Variants in BCAS3 observed in about 807,000 individuals in gnomAD.
BCAS3 encodes the protein BCAS4/BCAS3 fusion.
In BCAS3, 53 loss-of-function variants were observed where a neutral mutation model predicts 116.1. The observed-to-expected ratio is 0.46, with a 90% CI of 0.37 to 0.57. The LOEUF (loss-of-function observed/expected upper bound fraction) is 0.57. Among genes scored for constraint, BCAS3 ranks in the 20% least tolerant of loss-of-function variants. The probability of loss-of-function intolerance (pLI) is 0.00; values close to 1 mark genes in which losing one functional copy is unlikely to be tolerated. For missense variants in BCAS3, 917 were observed against 1,165.4 expected (o/e 0.79, Z 3.10); for synonymous variants, 391 against 408.2 (o/e 0.96, Z 0.51).
intron 22 of BCAS3, among the ~76,000 whole-genome samples, chr17:61,101,570 C>T (rs2074330825): frequency 6.6e-6 from 1 of 152,054 alleles, no homozygotes; most frequent in African/African-American, 2.4e-5. Context: ...GACCTGACAC[C>T]TTGATCTTCA....
chr17:61,108,974 T>C (rs1601300742), intron 22 of BCAS3, among the ~76,000 whole-genome samples: 1 of 151,726 alleles, frequency 6.6e-6, no homozygotes, highest in East Asian at 1.9e-4. Flanking sequence ...GATCACGAGG[T>C]CAAGAGATCA....
intron 4 of BCAS3, among the ~76,000 whole-genome samples, chr17:60,703,727 A>T (rs1048675988): frequency 6.6e-6 from 1 of 150,852 alleles, no homozygotes; most frequent in Non-Finnish European, 1.5e-5. Flanking sequence ...ATCCTGGCTA[A>T]CATGGTGAAA....
At position 61,035,324 on chromosome 17, in the gene BCAS3, G is replaced by A. The variant is rs562277184; in HGVS notation, c.1762+534G>A. 5.3e-5 allele frequency among the ~76,000 whole-genome samples: 8 copies of A among 152,192 alleles called. No individual in the cohort carries two copies. In the East Asian group the frequency reaches 7.7e-4, roughly 15 times the overall value. On this transcript the variant is annotated intron_variant, in intron 17 of 23. Coordinates refer to ENST00000407086, the MANE Select transcript of BCAS3 (RefSeq NM_017679.5). ...ATTAAGGCCAGTCGCAGTGGCTCAC[G>A]CCTGTAATCCCAGCACTTTAGGAGG...
intron 6 of BCAS3, among the ~76,000 whole-genome samples, chr17:60,763,814 G>T (rs1325277952): frequency 9.2e-5 from 14 of 152,188 alleles, no homozygotes; most frequent in African/African-American, 1.9e-4. Flanking sequence ...TGGCTGTGAA[G>T]CCATCTGGTC....
chr17:60,822,659 T>A (rs547312470), intron 7 of BCAS3, among the ~76,000 whole-genome samples: 1 of 152,332 alleles, frequency 6.6e-6, no homozygotes, highest in South Asian at 2.1e-4. Context: ...GAATATTGTA[T>A]CAAACTACTT....
intron 22 of BCAS3, among the ~76,000 whole-genome samples, chr17:61,350,977 T>C (rs2143334689): frequency 6.6e-6 from 1 of 152,260 alleles, no homozygotes; most frequent in East Asian, 1.9e-4. Flanking sequence ...TGCCACAACT[T>C]GGAGTTATTT....
rs1482128794 is a variant in BCAS3 at position 60,993,760 on chromosome 17, TTGTC to T, written c.1486+3529_1486+3532del. On this transcript the variant is annotated intron_variant, in intron 15 of 23. Coordinates refer to ENST00000407086, the MANE Select transcript of BCAS3 (RefSeq NM_017679.5). The surrounding 1 kb of genome is among the most constrained non-coding windows in gnomAD (Gnocchi z 4.2). ...CATGTTTTGGCGGTATTACCGTTGTTTGTCTGTGCTCTTTTTAGCCAAGTAAAGG... is the reference window on the plus strand; with the variant it reads ...CATGTTTTGGCGGTATTACCGTTGTTTGTGCTCTTTTTAGCCAAGTAAAGG... 8.5e-5 allele frequency among the ~76,000 whole-genome samples: 13 copies of T among 152,174 alleles called. No homozygotes were observed. Among genetic ancestry groups the T allele is most frequent in the African/African-American group, 2.9e-4 (12 of 41,456 alleles).
chr17:60,716,156 C>T (rs1416220620), intron 5 of BCAS3, among the ~76,000 whole-genome samples: 1 of 152,220 alleles, frequency 6.6e-6, no homozygotes, highest in Admixed American at 6.5e-5. Flanking sequence ...CCACCGCGCA[C>T]AGCCACGAAC....
rs2048807850 is a variant in BCAS3, at chr17:61,256,710, A to C, written c.2426-111617A>C. ...GAATTGTGTCACCAGAGAGCCTTGG[A>C]TACAGAGATAAACTGGAGACAGAGT... On this transcript the variant is annotated intron_variant, in intron 22 of 23. Coordinates refer to ENST00000407086, the MANE Select transcript of BCAS3 (RefSeq NM_017679.5). The surrounding 1 kb of genome is among the most constrained non-coding windows in gnomAD (Gnocchi z 5.6). Among the ~76,000 whole-genome samples, 1 of 152,180 alleles carries C rather than the reference A, an allele frequency of 6.6e-6. No individual in the cohort carries two copies. Among genetic ancestry groups the C allele is most frequent in the Admixed American group, 6.5e-5 (1 of 15,284 alleles).
intron 22 of BCAS3, among the ~76,000 whole-genome samples, chr17:61,318,589 A>G (rs1168705653): frequency 6.6e-6 from 1 of 152,184 alleles, no homozygotes; most frequent in Non-Finnish European, 1.5e-5. Context: ...CCAACAGATG[A>G]CGGGTTATTT....
rs112202449 is a variant in BCAS3, at chr17:61,181,519, T to C, written c.2425+96955T>C. Among the ~76,000 whole-genome samples the C allele has an allele frequency of 0.021, 3,143 of 152,320 alleles. 114 individuals carry two copies. Among genetic ancestry groups the C allele is most frequent in the African/African-American group, 0.072 (2,998 of 41,550 alleles). On this transcript the variant is annotated intron_variant, in intron 22 of 23. Transcript: ENST00000407086. The surrounding 1 kb of genome is among the most constrained non-coding windows in gnomAD (Gnocchi z 5.0). ...GTAACCCAGCCAAAGAGCTTGACTA[T>C]TTTAATCATTTCCCTTTGATAGTCT... is the stretch of plus-strand genomic sequence containing the variant.
At position 61,235,070 on chromosome 17, in the gene BCAS3, A is replaced by G. The variant is rs996611756; in HGVS notation, c.2426-133257A>G. Among the ~76,000 whole-genome samples the G allele has an allele frequency of 2.0e-5, 3 of 152,118 alleles. No individual in the cohort carries two copies. The highest frequency in any genetic ancestry group is 7.2e-5 in the African/African-American group (3 of 41,436). On this transcript the variant is annotated intron_variant, in intron 22 of 23. Transcript: ENST00000407086. This position sits in a 1 kb window ranked among gnomAD's most constrained non-coding sequence, Gnocchi z 5.0. ...TCCTGGCTAAGTTTTGTATTTTAGTAGAGACAGGGTTTCACCACATTGGCC... is the reference window on the plus strand; with the variant it reads ...TCCTGGCTAAGTTTTGTATTTTAGTGGAGACAGGGTTTCACCACATTGGCC...
At chr17:61,306,221 T>A (rs887249180) in intron 22 of BCAS3, among the ~76,000 whole-genome samples, 1 of 152,230 alleles carries the variant, frequency 6.6e-6, no homozygotes, top group Non-Finnish European at 1.5e-5. Flanking sequence ...TGATCTTGGG[T>A]ACATTCCTTT....
chr17:61,140,276 G>C lies in BCAS3; in HGVS notation c.2425+55712G>C, dbSNP rs1365823425. Among the ~76,000 whole-genome samples, 1 of 152,096 alleles carries C rather than the reference G, an allele frequency of 6.6e-6. No individual in the cohort carries two copies. The highest frequency in any genetic ancestry group is 1.5e-5 in the Non-Finnish European group (1 of 68,032). On this transcript the variant is annotated intron_variant, in intron 22 of 23. Transcript: ENST00000407086. This position sits in a 1 kb window ranked among gnomAD's most constrained non-coding sequence, Gnocchi z 4.2. ...GAGTCACCAAGACATACACATACTG[G>C]ACCAATTTGGGAAAGTACGGAAGTT...
intron 19 of BCAS3, among the ~76,000 whole-genome samples, chr17:61,059,207 C>T (rs534579887): frequency 2.2e-3 from 335 of 150,944 alleles, no homozygotes; most frequent in African/African-American, 7.5e-3. Flanking sequence ...CTCAGCTTCC[C>T]GAGTAGCTGG....
chr17:61,342,270 T>G (rs1307410146), intron 22 of BCAS3, among the ~76,000 whole-genome samples: 1 of 152,186 alleles, frequency 6.6e-6, no homozygotes, highest in Non-Finnish European at 1.5e-5. Context: ...CTTGTTCTGC[T>G]CCTCCACATG....
Position 61,204,163 on chromosome 17 carries a change from C to T in BCAS3, c.2425+119599C>T, listed in dbSNP as rs546592258. On this transcript the variant is annotated intron_variant, in intron 22 of 23. Coordinates refer to ENST00000407086, the MANE Select transcript of BCAS3 (RefSeq NM_017679.5). The surrounding 1 kb of genome is among the most constrained non-coding windows in gnomAD (Gnocchi z 4.2). Reference sequence around the variant, plus strand: ...AACCTGCCTTTGTTTACAACTTTTCCGGAAATTTTCACAGAGGGAGAGAAA... The same window carrying T: ...AACCTGCCTTTGTTTACAACTTTTCTGGAAATTTTCACAGAGGGAGAGAAA... Among the ~76,000 whole-genome samples the T allele has an allele frequency of 4.6e-5, 7 of 152,286 alleles. No individual in the cohort carries two copies. The highest frequency in any genetic ancestry group is 2.1e-4 in the South Asian group (1 of 4,826).
intron 14 of BCAS3, among the ~76,000 whole-genome samples, chr17:60,963,121 G>A (rs1347807082): frequency 1.3e-5 from 2 of 152,168 alleles, no homozygotes; most frequent in African/African-American, 4.8e-5. Context: ...CCGGCACCAT[G>A]CTGTTTTGGT....
intron 14 of BCAS3, among the ~76,000 whole-genome samples, chr17:60,952,520 A>T (rs1021262889): frequency 6.6e-6 from 1 of 151,912 alleles, no homozygotes; most frequent in African/African-American, 2.4e-5. Context: ...GGGTTTCACT[A>T]TGTTGGTCAG....
Sources: gnomAD v4.1 joint callset for allele counts (sites outside exome capture counted in the v4.1 genomes callset) on GRCh38, gnomAD v4.1.1 for gene constraint, Gnocchi (gnomAD v3.1) non-coding constraint, MANE v1.5 for transcripts, NCBI Gene and HGNC (gene_info 2026-07-23, HGNC 2026-07-21) for gene names.